Variants in OLFML2A observed in about 807,000 individuals in gnomAD.
OLFML2A encodes the protein olfactomedin-like protein 2A.
A neutral mutation model predicts 60.9 loss-of-function variants in OLFML2A; 47 were observed. That is an observed-to-expected ratio of 0.77 (90% confidence interval 0.61 to 0.98). The LOEUF is 0.98. OLFML2A is among the 50% of genes least tolerant of loss of function. The pLI is 0.00. For synonymous variants in OLFML2A, 372 were observed against 375.0 expected (o/e 0.99, Z 0.09); for missense variants, 922 against 879.8 (o/e 1.05, Z -0.61).
chr9:124,791,721 G>A (rs1475838678), intron 2 of OLFML2A, among the ~76,000 whole-genome samples: 5 of 121,924 alleles, frequency 4.1e-5, no homozygotes, highest in Non-Finnish European at 6.3e-5. Context: ...CTGGGCGACA[G>A]AGCGAGACTC....
At chr9:124,798,321 G>C (rs548681906) in intron 3 of OLFML2A, among the ~76,000 whole-genome samples, 1 of 149,710 alleles carries the variant, frequency 6.7e-6, no homozygotes, top group African/African-American at 2.5e-5. Flanking sequence ...GCCCAACATG[G>C]CGAAATCCCG....
At position 124,778,913 on chromosome 9, in the gene OLFML2A, C is replaced by T. The variant is rs115569104; in HGVS notation, c.90+1553C>T. On this transcript the variant is annotated intron_variant, in intron 1 of 7. Transcript: ENST00000373580. The stretch of plus-strand genomic sequence containing the variant: ...AAAAAAGTGACTTCCAATACCTCTC[C>T]AGCCTCTTTCCTGGTAGAATGTGAG... The T allele has an allele frequency of 3.5e-4, 348 of 982,818 alleles. No individual in the cohort carries two copies. In the African/African-American group the frequency reaches 5.8e-3, roughly 16 times the overall value. 60.9% of individuals were successfully genotyped at this position (982,818 alleles called of 1,614,324 possible).
chr9:124,799,068 C>T (rs1039482862), intron 3 of OLFML2A, among the ~76,000 whole-genome samples: 3 of 152,144 alleles, frequency 2.0e-5, no homozygotes, highest in Middle Eastern at 3.2e-3. Context: ...CATGTATTAT[C>T]TATTTTTTTA....
At chr9:124,778,372 G>GAA (rs550076922) in intron 1 of OLFML2A, among the ~76,000 whole-genome samples, 1 of 136,712 alleles carries the variant, frequency 7.3e-6, no homozygotes, top group Non-Finnish European at 1.6e-5. Flanking sequence ...AAAAAAAAAA[G>GAA]AAAAAAAAAA....
chr9:124,787,215 A>G lies in OLFML2A; in HGVS notation c.331A>G (p.Lys111Glu). The G allele has an allele frequency of 1.2e-6, 2 of 1,614,060 alleles. No individual in the cohort carries two copies. Among genetic ancestry groups the G allele is most frequent in the East Asian group, 4.5e-5 (2 of 44,878 alleles). Residue 111 changes from lysine (K) to glutamate (E), a missense_variant, in exon 2 of 8, where the codon AAG (lysine) becomes GAG (glutamate). Physicochemically the swap from Lys to Glu is moderately conservative, Grantham distance 56. Transcript: ENST00000373580. ...CGAGTGGAAGATGGAGAAACTCAAA[A>G]AGCAGGCGCCCGAGCTCCTCAAGGT... is the stretch of plus-strand genomic sequence containing the variant. ...ENEWKMEKLK[K>E]QAPELLKLQS...
At chr9:124,798,009 G>A (rs987198162) in intron 3 of OLFML2A, among the ~76,000 whole-genome samples, 32 of 152,206 alleles carry the variant, frequency 2.1e-4, no homozygotes, top group Non-Finnish European at 1.9e-4. Context: ...GCAGGGCTCA[G>A]TGCTGGGAGA....
chr9:124,801,085 G>A (rs913231), intron 4 of OLFML2A: 1,136,380 of 1,547,736 alleles, frequency 0.73, 420,196 homozygotes, highest in East Asian at 0.91. Context: ...GTGAGCAGGT[G>A]GAGGAGGCTG....
Position 124,804,146 on chromosome 9 carries a change from G to C in OLFML2A, c.972G>C (p.Glu324Asp). The C allele has an allele frequency of 6.2e-7, 1 of 1,614,122 alleles. No individual in the cohort carries two copies. The highest frequency in any genetic ancestry group is 8.5e-7 in the Non-Finnish European group (1 of 1,179,986). ...TGGAGCAACTGCCGCCCAAGGTGGA[G>C]GGCAGGTCCAACTCCGCAGAGCCCA... is the stretch of plus-strand genomic sequence containing the variant. ...SWLEQLPPKV[E>D]GRSNSAEPNS... The change falls in exon 6 of 8, where the codon GAG (glutamate) becomes GAC (aspartate). Residue 324 changes from glutamate to aspartate, a missense_variant. By Grantham distance (45) the Glu-to-Asp change is conservative. Transcript: ENST00000373580.
chr9:124,798,296 G>A (rs964797843), intron 3 of OLFML2A, among the ~76,000 whole-genome samples: 1 of 152,102 alleles, frequency 6.6e-6, no homozygotes, highest in Non-Finnish European at 1.5e-5. Context: ...GAGGTCAGGA[G>A]TTCAAGACCA....
chr9:124,801,943 A>T (rs1432144749), intron 5 of OLFML2A, among the ~76,000 whole-genome samples: 1 of 152,156 alleles, frequency 6.6e-6, no homozygotes, highest in Admixed American at 6.5e-5. Context: ...AAATGTGCTG[A>T]AGGTCCGCTC....
At chr9:124,796,701 G>A (rs1461991064) in intron 3 of OLFML2A, among the ~76,000 whole-genome samples, 2 of 152,138 alleles carry the variant, frequency 1.3e-5, no homozygotes, top group East Asian at 1.9e-4. Flanking sequence ...CAGCAACTTG[G>A]GGTCTCAGCT....
At chr9:124,803,720 C>T (rs888083469) in intron 5 of OLFML2A, among the ~76,000 whole-genome samples, 1 of 152,232 alleles carries the variant, frequency 6.6e-6, no homozygotes, top group Admixed American at 6.5e-5. Flanking sequence ...GTGCTTGATG[C>T]ATAGGAAGGA....
At chr9:124,794,949 G>A in intron 2 of OLFML2A, 75 bp from the exon 3 acceptor site, 3 of 852,410 alleles carry the variant, frequency 3.5e-6, no homozygotes, top group South Asian at 1.5e-5. Context: ...AATTGCAGCA[G>A]GGTTCCTTTT....
intron 2 of OLFML2A, among the ~76,000 whole-genome samples, chr9:124,791,688 A>G (rs1392401260): frequency 7.0e-6 from 1 of 142,172 alleles, no homozygotes; most frequent in Non-Finnish European, 1.5e-5. Context: ...CAGTGAGTGG[A>G]GATCGTGCCA....
chr9:124,804,434 C>T (rs1841849837), intron 6 of OLFML2A, 92 bp downstream of exon 6: 1 of 1,270,934 alleles, frequency 7.9e-7, no homozygotes, highest in Admixed American at 2.6e-5. Context: ...TTAAGAAATG[C>T]TTTTTATAGC....
intron 3 of OLFML2A, among the ~76,000 whole-genome samples, chr9:124,798,339 T>A (rs537681791): frequency 1.3e-5 from 2 of 151,708 alleles, no homozygotes; most frequent in Non-Finnish European, 2.9e-5. Context: ...CCGTCTCTAC[T>A]AAAAATACGA....
Position 124,777,369 on chromosome 9 carries a change from GC to G in OLFML2A, c.90+13del. On this transcript the variant is annotated intron_variant, in intron 1 of 7. Transcript: ENST00000373580. The surrounding 1 kb of genome is among the most constrained non-coding windows in gnomAD (Gnocchi z 6.2). ...CGCGCGCCGACAGTAAGGTACGCAC[GC>G]CCCTCGGACCCGCGCGGCTCGGCGG... 7.9e-7 allele frequency: 1 copy of G among 1,267,528 alleles called. No individual in the cohort carries two copies. Among genetic ancestry groups the G allele is most frequent in the Non-Finnish European group, 1.0e-6 (1 of 1,003,656 alleles). 78.5% of individuals were successfully genotyped at this position (1,267,528 alleles called of 1,614,324 possible).
At chr9:124,786,891 T>C in intron 1 of OLFML2A, 84 bp from the exon 2 acceptor site, 1 of 1,454,652 alleles carries the variant, frequency 6.9e-7, no homozygotes, top group Non-Finnish European at 9.4e-7. Flanking sequence ...GCTGGCCAGC[T>C]GGCTTCTGCC....
intron 3 of OLFML2A, among the ~76,000 whole-genome samples, chr9:124,795,450 G>T (rs984449209): frequency 1.3e-5 from 2 of 152,322 alleles, no homozygotes; most frequent in Non-Finnish European, 2.9e-5. Flanking sequence ...AATTCTGGGG[G>T]TACCATTCGC....
Sources: allele counts gnomAD v4.1 joint callset (sites outside exome capture counted in the v4.1 genomes callset), GRCh38; gene constraint gnomAD v4.1.1; non-coding constraint Gnocchi (gnomAD v3.1); transcripts MANE v1.5; gene names NCBI Gene and HGNC (gene_info 2026-07-23, HGNC 2026-07-21).